Variants in BCAS3 observed in about 807,000 individuals in gnomAD.
The protein encoded by BCAS3 is BCAS3 microtubule associated cell migration factor.
In BCAS3, 53 loss-of-function variants were observed where a neutral mutation model predicts 116.1. The observed-to-expected ratio is 0.46, with a 90% CI of 0.37 to 0.57. The LOEUF (loss-of-function observed/expected upper bound fraction) is 0.57, where lower values mean the gene tolerates loss of function less well. BCAS3 is among the 20% of genes least tolerant of loss of function. The pLI is 0.00. For synonymous variants in BCAS3, 391 were observed against 408.2 expected (o/e 0.96, Z 0.51); for missense variants, 917 against 1,165.4 (o/e 0.79, Z 3.10).
chr17:60,765,014 C>T (rs767173529), intron 6 of BCAS3, among the ~76,000 whole-genome samples: 28 of 152,016 alleles, frequency 1.8e-4, no homozygotes, highest in Non-Finnish European at 1.9e-4. Flanking sequence ...GATTGCAACC[C>T]CTGCTTTTTT....
At chr17:60,982,558 T>C (rs2062878455) in intron 14 of BCAS3, among the ~76,000 whole-genome samples, 1 of 152,222 alleles carries the variant, frequency 6.6e-6, no homozygotes, top group Admixed American at 6.5e-5. Flanking sequence ...GTATGGATTT[T>C]TCTTAAGGGA....
Position 61,151,760 on chromosome 17 carries a change from C to A in BCAS3, c.2425+67196C>A, listed in dbSNP as rs1272816799. On this transcript the variant is annotated intron_variant, in intron 22 of 23. Coordinates refer to ENST00000407086, the MANE Select transcript of BCAS3 (RefSeq NM_017679.5). The surrounding 1 kb of genome is among the most constrained non-coding windows in gnomAD (Gnocchi z 4.8). ...AGCATGAGCCACTGCACCTGGCCAA[C>A]ATCTATATTTTGAATGACTGTTGTA... 4.6e-5 allele frequency among the ~76,000 whole-genome samples: 7 copies of A among 152,182 alleles called. No individual in the cohort carries two copies. The highest frequency in any genetic ancestry group is 1.0e-4 in the Non-Finnish European group (7 of 68,034).
chr17:60,721,517 T>A (rs1410909920), intron 5 of BCAS3, among the ~76,000 whole-genome samples: 1 of 152,200 alleles, frequency 6.6e-6, no homozygotes, highest in Admixed American at 6.5e-5. Context: ...TGTGTGCGAA[T>A]AGTGGCGTGA....
chr17:61,384,311 A>T (rs2059743894), intron 23 of BCAS3: 1 of 152,292 alleles, frequency 6.6e-6, no homozygotes, highest in Admixed American at 6.5e-5. Context: ...TAAAGACAGC[A>T]GAGGCAGCAA....
chr17:61,278,284 G>C lies in BCAS3; in HGVS notation c.2426-90043G>C, dbSNP rs552502022. 1.3e-4 allele frequency among the ~76,000 whole-genome samples: 20 copies of C among 152,174 alleles called. No individual in the cohort carries two copies. In the South Asian group the frequency reaches 1.5e-3, roughly 11 times the overall value. On this transcript the variant is annotated intron_variant, in intron 22 of 23. Coordinates refer to ENST00000407086, the MANE Select transcript of BCAS3 (RefSeq NM_017679.5). This position sits in a 1 kb window ranked among gnomAD's most constrained non-coding sequence, Gnocchi z 5.8. ...TCTTGAACTCCTGACCTTGTGATCC[G>C]CCTGCCTCGGCCTCTCAAAGTGCTG...
chr17:61,287,848 A>G (rs1459397525), intron 22 of BCAS3, among the ~76,000 whole-genome samples: 5 of 152,236 alleles, frequency 3.3e-5, no homozygotes, highest in African/African-American at 1.2e-4. Context: ...AGTACATACT[A>G]TGTGCCAAGT....
rs2066048543 is a variant in BCAS3 at position 61,023,977 on chromosome 17, T to C, written c.1637+8076T>C. 6.6e-6 allele frequency among the ~76,000 whole-genome samples: 1 copy of C among 152,192 alleles called. No homozygotes were observed. The highest frequency in any genetic ancestry group is 3.2e-3 in the Middle Eastern group (1 of 316). Reference sequence around the variant, plus strand: ...ATATAGTAATTTGGGTTGCCTCTGTTAATACAGAGAATATTTCATTCAGTA... The same window carrying C: ...ATATAGTAATTTGGGTTGCCTCTGTCAATACAGAGAATATTTCATTCAGTA... On this transcript the variant is annotated intron_variant, in intron 16 of 23. Coordinates refer to ENST00000407086, the MANE Select transcript of BCAS3 (RefSeq NM_017679.5). This position sits in a 1 kb window ranked among gnomAD's most constrained non-coding sequence, Gnocchi z 4.8.
intron 22 of BCAS3, among the ~76,000 whole-genome samples, chr17:61,308,522 G>T (rs1266274003): frequency 6.6e-6 from 1 of 151,772 alleles, no homozygotes; most frequent in East Asian, 1.9e-4. Flanking sequence ...AAAAAAGCAG[G>T]AGTCATACAC....
At chr17:60,851,886 AT>A in intron 7 of BCAS3, 3 of 1,444,376 alleles carry the variant, frequency 2.1e-6, no homozygotes, top group Admixed American at 2.0e-5. Context: ...ACCTCATCCC[AT>A]TTTTTAAGTG....
At chr17:60,983,822 A>G (rs976632826) in intron 14 of BCAS3, among the ~76,000 whole-genome samples, 6 of 152,226 alleles carry the variant, frequency 3.9e-5, no homozygotes, top group East Asian at 1.9e-4. Flanking sequence ...TGACTCTGTC[A>G]TGTGAAAATG....
At chr17:61,052,383 T>G (rs1363371263) in intron 19 of BCAS3, among the ~76,000 whole-genome samples, 1 of 152,176 alleles carries the variant, frequency 6.6e-6, no homozygotes, top group Admixed American at 6.5e-5. Context: ...ATTTGGATCT[T>G]CTTTATATCT....
rs2064872046 is a variant in BCAS3 at position 61,008,442 on chromosome 17, A to G, written c.1487-7309A>G. Among the ~76,000 whole-genome samples the G allele has an allele frequency of 6.6e-6, 1 of 152,006 alleles. No homozygotes were observed. The highest frequency in any genetic ancestry group is 6.6e-5 in the Admixed American group (1 of 15,240). ...GTTTGGTTGAAAAAACTTTAATGTT[A>G]AATTGGATGGCAAGCAAGAACTAAG... On this transcript the variant is annotated intron_variant, in intron 15 of 23. Coordinates refer to ENST00000407086, the MANE Select transcript of BCAS3 (RefSeq NM_017679.5). The surrounding 1 kb of genome is among the most constrained non-coding windows in gnomAD (Gnocchi z 4.6).
At chr17:61,113,177 A>G (rs542678726) in intron 22 of BCAS3, among the ~76,000 whole-genome samples, 4 of 64,596 alleles carry the variant, frequency 6.2e-5, no homozygotes, top group Non-Finnish European at 8.4e-5. Context: ...AATGAAAAGA[A>G]CTAGAAAAGC....
rs199905153 is a variant in BCAS3 at position 61,122,942 on chromosome 17, C to CT, written c.2425+38394dup. Among the ~76,000 whole-genome samples, 1,873 of 136,230 alleles carry CT rather than the reference C, an allele frequency of 0.014. 13 individuals carry two copies. The highest frequency in any genetic ancestry group is 0.03 in the South Asian group (128 of 4,206). 89.4% of individuals were successfully genotyped at this position (136,230 alleles called of 152,430 possible). A position where few individuals can be genotyped will look rare whatever the true frequency, so the allele number is the denominator to read the frequency against. ...GAAAGATTCCACATTATGGGTAAGT[C>CT]TTTTTTTTTTTTTTTTGAGATGGAG... On this transcript the variant is annotated intron_variant, in intron 22 of 23. Coordinates refer to ENST00000407086, the MANE Select transcript of BCAS3 (RefSeq NM_017679.5). This position sits in a 1 kb window ranked among gnomAD's most constrained non-coding sequence, Gnocchi z 4.6.
intron 15 of BCAS3, among the ~76,000 whole-genome samples, chr17:61,006,534 G>T (rs1477146994): frequency 6.6e-6 from 1 of 152,024 alleles, no homozygotes; most frequent in Non-Finnish European, 1.5e-5. Flanking sequence ...AAAATTCATT[G>T]TGAGGTAAAG....
At chr17:61,064,806 A>AC (rs1314220005) in intron 19 of BCAS3, among the ~76,000 whole-genome samples, 1 of 152,224 alleles carries the variant, frequency 6.6e-6, no homozygotes, top group Non-Finnish European at 1.5e-5. Flanking sequence ...CTATGGTACT[A>AC]CAGGGTCAGG....
rs2082412880 is a variant in BCAS3, at chr17:61,227,157, TTGTCTAGGAA to T, written c.2426-141167_2426-141158del. On this transcript the variant is annotated intron_variant, in intron 22 of 23. Coordinates refer to ENST00000407086, the MANE Select transcript of BCAS3 (RefSeq NM_017679.5). The surrounding 1 kb of genome is among the most constrained non-coding windows in gnomAD (Gnocchi z 6.1). ...AACTGATTTTGGCTAGAGCCTTTTC[TTGTCTAGGAA>T]TGGAGGAATTACCTGAATGAGTTCC... Among the ~76,000 whole-genome samples, 1 of 152,196 alleles carries T rather than the reference TTGTCTAGGAA, an allele frequency of 6.6e-6. No homozygotes were observed. The highest frequency in any genetic ancestry group is 2.4e-5 in the African/African-American group (1 of 41,444).
chr17:61,047,562 G>T (rs1475124474), intron 19 of BCAS3, among the ~76,000 whole-genome samples: 1 of 151,992 alleles, frequency 6.6e-6, no homozygotes, highest in East Asian at 1.9e-4. Context: ...AGTGATTTCT[G>T]TGTTAGCACT....
rs545864459 is a variant in BCAS3, at chr17:60,815,088, T to C, written c.476+7012T>C. Among the ~76,000 whole-genome samples the C allele has an allele frequency of 4.0e-3, 604 of 152,286 alleles. 6 individuals carry two copies. The highest frequency in any genetic ancestry group is 0.017 in the South Asian group (80 of 4,828). ...GACTGGATTAAGAAAATGTGGCACA[T>C]ATACACCATGGAATACTATGCAGCC... On this transcript the variant is annotated intron_variant, in intron 7 of 23. Coordinates refer to ENST00000407086, the MANE Select transcript of BCAS3 (RefSeq NM_017679.5).
Sources: gnomAD v4.1 joint callset for allele counts (sites outside exome capture counted in the v4.1 genomes callset) on GRCh38, gnomAD v4.1.1 for gene constraint, Gnocchi (gnomAD v3.1) non-coding constraint, MANE v1.5 for transcripts, NCBI Gene and HGNC (gene_info 2026-07-23, HGNC 2026-07-21) for gene names.